PPP2R1B: variants seen among roughly 807,000 people sequenced by gnomAD.
The protein encoded by PPP2R1B is serine/threonine-protein phosphatase 2A 65 kDa regulatory subunit A beta isoform.
Under a neutral mutation model 72.7 loss-of-function variants are expected in PPP2R1B, and 58 were observed. The ratio of observed to expected loss-of-function variants is 0.80; its 90% CI spans 0.65 to 0.99. The LOEUF is 0.99. Among genes scored for constraint, PPP2R1B ranks in the 50% least tolerant of loss-of-function variants. The pLI, the probability that PPP2R1B is intolerant of heterozygous loss-of-function variation, is 0.00. For synonymous variants in PPP2R1B, 256 were observed against 264.6 expected, an observed-to-expected ratio of 0.97 and a Z score of 0.32; for missense variants, 695 against 733.6, an observed-to-expected ratio of 0.95 and a Z score of 0.61.
intron 1 of PPP2R1B, chr11:111,765,925 C>A: frequency 1.9e-6 from 1 of 520,028 alleles, no homozygotes; most frequent in Non-Finnish European, 3.7e-6. Context: ...TCTCCTGCTC[C>A]CTCGCCCAAG....
At chr11:111,731,678 G>A (rs1944199339) in intron 15 of PPP2R1B, among the ~76,000 whole-genome samples, 3 of 152,186 alleles carry the variant, frequency 2.0e-5, no homozygotes, top group Non-Finnish European at 2.9e-5. Context: ...AGGTGCAGTC[G>A]GCAGGGCCCA....
chr11:111,760,054 C>A, intron 4 of PPP2R1B, 103 bp from the exon 5 acceptor site: 1 of 1,232,876 alleles, frequency 8.1e-7, no homozygotes, highest in South Asian at 1.7e-5. Context: ...TTACAATAAT[C>A]AGTGACTAAG....
At chr11:111,703,033 A>T in the PPP2R1B span, among the ~76,000 whole-genome samples, 1 of 152,314 alleles carries the variant, frequency 6.6e-6, no homozygotes, top group African/African-American at 2.4e-5. Flanking sequence ...TCACCATGTG[A>T]ACTTGAGAAA....
chr11:111,728,269 T>C (rs1168427146), intron 15 of PPP2R1B: 2 of 146,184 alleles, frequency 1.4e-5, no homozygotes, highest in Non-Finnish European at 3.0e-5. Context: ...TTTGATCATT[T>C]TGTTGCTTCT....
chr11:111,736,875 A>C (rs1317859374), downstream of PPP2R1B, among the ~76,000 whole-genome samples: 1 of 152,134 alleles, frequency 6.6e-6, no homozygotes, highest in East Asian at 1.9e-4. Context: ...CCTTTTCTGA[A>C]TGTATCTGTA....
the PPP2R1B span, among the ~76,000 whole-genome samples, chr11:111,709,580 TAAAG>T: frequency 6.6e-6 from 1 of 152,232 alleles, no homozygotes; most frequent in African/African-American, 2.4e-5. Flanking sequence ...TTGACACTCT[TAAAG>T]AATATCTTGA....
chr11:111,708,788 A>G, the PPP2R1B span, among the ~76,000 whole-genome samples: 2 of 151,940 alleles, frequency 1.3e-5, no homozygotes, highest in Non-Finnish European at 2.9e-5. Flanking sequence ...GGGTCTTGCA[A>G]TGTTGCCTAG....
At chr11:111,763,794 T>C (rs1945416557) in intron 3 of PPP2R1B, among the ~76,000 whole-genome samples, 1 of 152,084 alleles carries the variant, frequency 6.6e-6, no homozygotes, top group Non-Finnish European at 1.5e-5. Context: ...GAAATACCTG[T>C]TTGACATACA....
At chr11:111,720,008 G>A in the PPP2R1B span, 21 of 1,610,754 alleles carry the variant, frequency 1.3e-5, no homozygotes, top group African/African-American at 4.0e-5. Context: ...GGGCAGGTAC[G>A]GTAGAGGAGC....
intron 15 of PPP2R1B, chr11:111,730,601 T>C (rs1944157316): frequency 6.6e-6 from 1 of 152,172 alleles, no homozygotes; most frequent in African/African-American, 2.4e-5. Context: ...TGCTTTTTTT[T>C]AATTACTAAG....
At chr11:111,750,511 G>T (rs531966491) in intron 10 of PPP2R1B, among the ~76,000 whole-genome samples, 6 of 152,152 alleles carry the variant, frequency 3.9e-5, no homozygotes, top group Non-Finnish European at 7.3e-5. Flanking sequence ...CCTAATTAAT[G>T]ACGGGCACTA....
the PPP2R1B span, among the ~76,000 whole-genome samples, chr11:111,717,010 CAT>C: frequency 2.0e-5 from 3 of 152,004 alleles, no homozygotes; most frequent in African/African-American, 7.2e-5. Context: ...AGCCAACAAA[CAT>C]ATGAAAAAAA....
chr11:111,738,252 A>G lies in PPP2R1B; in HGVS notation c.*3344T>C, dbSNP rs1565426898. Reference sequence around the variant, plus strand: ...CTACAGTTTCATATCCAAGCAGTGGAGAAAAATAAGAAGCTTTACGATAAG... The same window carrying G: ...CTACAGTTTCATATCCAAGCAGTGGGGAAAAATAAGAAGCTTTACGATAAG... On this transcript the variant is annotated 3_prime_UTR_variant, in exon 15 of 15. Coordinates refer to ENST00000527614, the MANE Select transcript of PPP2R1B (RefSeq NM_002716.5). 1.0e-6 allele frequency: 1 copy of G among 985,508 alleles called. No individual in the cohort carries two copies. Among genetic ancestry groups the G allele is most frequent in the South Asian group, 4.7e-5 (1 of 21,286 alleles). 61.0% of individuals were successfully genotyped at this position (985,508 alleles called of 1,614,324 possible). A position where few individuals can be genotyped will look rare whatever the true frequency, so the allele number is the denominator to read the frequency against.
chr11:111,722,873 G>GT, downstream of PPP2R1B: 1 of 882,838 alleles, frequency 1.1e-6, no homozygotes, highest in Admixed American at 2.4e-5. The surrounding 1 kb of genome is among the most constrained non-coding windows in gnomAD (Gnocchi z 4.4). Context: ...GGTTTTCTGC[G>GT]TGTGTCACAG....
In PPP2R1B at chr11:111,752,182, T is replaced by C. The variant is rs376907688; in HGVS notation, c.1315A>G (p.Met439Val). The change falls in exon 10 of 15, where the codon ATG becomes GTG. Residue 439 changes from methionine (M) to valine (V), a missense_variant. Met to Val is a conservative substitution (Grantham distance 21, BLOSUM62 1). Transcript: ENST00000527614. ...ACCAGCTGGCCTGCCAGCAGCGGCATATACTCAATGATGGCCAGGCGGACC... is the reference window on the plus strand; with the variant it reads ...ACCAGCTGGCCTGCCAGCAGCGGCACATACTCAATGATGGCCAGGCGGACC... ...WRVRLAIIEY[M>V]PLLAGQLGVE... 1 of 1,613,274 alleles carries C rather than the reference T, an allele frequency of 6.2e-7. No individual in the cohort carries two copies. Among genetic ancestry groups the C allele is most frequent in the South Asian group, 1.1e-5 (1 of 90,932 alleles).
At chr11:111,735,851 T>C (rs1000122024), downstream of PPP2R1B, among the ~76,000 whole-genome samples, 4 of 152,214 alleles carry the variant, frequency 2.6e-5, no homozygotes, top group South Asian at 4.1e-4. Flanking sequence ...CTGGTTGCAA[T>C]TGGATGACTT....
intron 15 of PPP2R1B, chr11:111,727,964 A>G (rs1207033556): frequency 6.6e-6 from 1 of 152,202 alleles, no homozygotes; most frequent in African/African-American, 2.4e-5. Context: ...ATCAACAGTC[A>G]CATTTAAGCT....
downstream of PPP2R1B, among the ~76,000 whole-genome samples, chr11:111,735,650 G>A (rs1354108177): frequency 2.0e-5 from 3 of 152,206 alleles, no homozygotes; most frequent in African/African-American, 7.2e-5. Flanking sequence ...ACTGGCTCTC[G>A]CCCTTTCCCT....
chr11:111,763,074 A>C (rs1945386870), intron 3 of PPP2R1B, among the ~76,000 whole-genome samples: 1 of 152,184 alleles, frequency 6.6e-6, no homozygotes, highest in African/African-American at 2.4e-5. Context: ...TGATGTAGTA[A>C]GGGATGACTG....
Sources: allele counts gnomAD v4.1 joint callset (sites outside exome capture counted in the v4.1 genomes callset), GRCh38; gene constraint gnomAD v4.1.1; non-coding constraint Gnocchi (gnomAD v3.1); transcripts MANE v1.5; gene names NCBI Gene and HGNC (gene_info 2026-07-23, HGNC 2026-07-21).